The following TPTE2 variants were observed in gnomAD, a reference collection of about 807,000 sequenced individuals.
TPTE2 encodes the protein transmembrane phosphoinositide 3-phosphatase and tensin homolog 2.
Under a neutral mutation model 78.6 loss-of-function variants are expected in TPTE2, and 53 were observed. The ratio of observed to expected loss-of-function variants is 0.67; its 90% CI spans 0.54 to 0.85. The LOEUF (loss-of-function observed/expected upper bound fraction) is 0.85. TPTE2 is among the 40% of genes least tolerant of loss of function. The pLI is 0.00. For missense variants in TPTE2, 461 were observed against 623.0 expected (o/e 0.74, Z 2.77); for synonymous variants, 175 against 206.2 (o/e 0.85, Z 1.30).
chr13:19,531,374 A>G (rs541358066), intron 1 of TPTE2, among the ~76,000 whole-genome samples: 14 of 152,088 alleles, frequency 9.2e-5, no homozygotes, highest in African/African-American at 3.1e-4. Flanking sequence ...TCATAGGAAA[A>G]GAGTCATGAA....
At chr13:19,437,787 AATT>A (rs1280664912) in intron 14 of TPTE2, among the ~76,000 whole-genome samples, 16 of 152,116 alleles carry the variant, frequency 1.1e-4, no homozygotes, top group African/African-American at 3.6e-4. Context: ...TTTTTGCATT[AATT>A]TTTATTAAAA....
intron 19 of TPTE2, among the ~76,000 whole-genome samples, chr13:19,423,982 T>G (rs1210997761): frequency 3.3e-5 from 5 of 152,182 alleles, no homozygotes; most frequent in Non-Finnish European, 7.4e-5. Flanking sequence ...TTGTAAAAAA[T>G]TTCCATCAAA....
chr13:19,450,368 A>C (rs1163568350), intron 11 of TPTE2, 24 bp from the exon 15 acceptor site: 1 of 1,584,386 alleles, frequency 6.3e-7, no homozygotes, highest in South Asian at 1.1e-5. Flanking sequence ...TATGTATGTC[A>C]TATCTCTATA....
intron 10 of TPTE2, 85 bp from the exon 14 acceptor site, chr13:19,451,310 T>G (rs1878170241): frequency 1.2e-5 from 19 of 1,544,884 alleles, no homozygotes; most frequent in Non-Finnish European, 1.7e-5. Context: ...TGGTTATTAC[T>G]TTTATTAATT....
At chr13:19,527,682 C>G (rs966273215) in intron 1 of TPTE2, among the ~76,000 whole-genome samples, 6 of 152,134 alleles carry the variant, frequency 3.9e-5, no homozygotes, top group African/African-American at 1.4e-4. Flanking sequence ...CCAGACCAGC[C>G]TGGGCAACAT....
At chr13:19,558,963 A>G in the TPTE2 span, among the ~76,000 whole-genome samples, 1 of 152,214 alleles carries the variant, frequency 6.6e-6, no homozygotes, top group African/African-American at 2.4e-5. Flanking sequence ...ATTAATAAAA[A>G]CCTGTTAAAA....
intron 1 of TPTE2, among the ~76,000 whole-genome samples, chr13:19,534,243 C>T (rs1207781463): frequency 2.6e-5 from 4 of 152,154 alleles, no homozygotes; most frequent in Non-Finnish European, 5.9e-5. Context: ...ACATCCTGAA[C>T]ATGAGAAACA....
intron 1 of TPTE2, among the ~76,000 whole-genome samples, chr13:19,534,245 T>G (rs1311348324): frequency 6.6e-6 from 1 of 152,286 alleles, no homozygotes; most frequent in Non-Finnish European, 1.5e-5. Flanking sequence ...ATCCTGAACA[T>G]GAGAAACAGA....
At chr13:19,426,875 T>C (rs1876137835) in intron 17 of TPTE2, among the ~76,000 whole-genome samples, 1 of 151,312 alleles carries the variant, frequency 6.6e-6, no homozygotes, top group Non-Finnish European at 1.5e-5. Flanking sequence ...CAGCTAATTT[T>C]TGAATTTTTA....
At chr13:19,484,028 T>C (rs1880514974) in intron 3 of TPTE2, among the ~76,000 whole-genome samples, 1 of 151,668 alleles carries the variant, frequency 6.6e-6, no homozygotes, top group African/African-American at 2.4e-5. Context: ...CATGTGATGT[T>C]TGGTGTTTTG....
intron 1 of TPTE2, among the ~76,000 whole-genome samples, chr13:19,521,133 G>A (rs1236813643): frequency 6.6e-6 from 1 of 151,938 alleles, no homozygotes; most frequent in African/African-American, 2.4e-5. Context: ...TATTATTCAA[G>A]TCTTACATTT....
intron 10 of TPTE2, among the ~76,000 whole-genome samples, chr13:19,461,664 T>C (rs1336771594): frequency 6.6e-6 from 1 of 152,206 alleles, no homozygotes; most frequent in African/African-American, 2.4e-5. Flanking sequence ...ATATTTGCCT[T>C]GTTTATCTGA....
intron 1 of TPTE2, among the ~76,000 whole-genome samples, chr13:19,498,704 G>A (rs1046949380): frequency 2.1e-4 from 32 of 151,836 alleles, no homozygotes; most frequent in Admixed American, 5.3e-4. Context: ...ATGCCAAAAC[G>A]TAAAGACCAT....
intron 18 of TPTE2, among the ~76,000 whole-genome samples, chr13:19,425,535 C>T (rs541686007): frequency 7.2e-4 from 110 of 152,232 alleles, no homozygotes; most frequent in African/African-American, 2.4e-3. Flanking sequence ...GACCACTTCA[C>T]TATGGGACAG....
intron 6 of TPTE2, among the ~76,000 whole-genome samples, chr13:19,473,281 C>G (rs1879735656): frequency 6.6e-6 from 1 of 152,244 alleles, no homozygotes; most frequent in East Asian, 1.9e-4. Flanking sequence ...AGGCCTGTGT[C>G]CTTCCCTTCA....
intron 10 of TPTE2, among the ~76,000 whole-genome samples, chr13:19,457,992 G>C (rs1465708679): frequency 2.6e-5 from 4 of 152,126 alleles, no homozygotes; most frequent in African/African-American, 9.7e-5. Flanking sequence ...TTCTGAGACA[G>C]TGAAGGAATT....
At chr13:19,513,397 T>C (rs1304755894) in intron 1 of TPTE2, among the ~76,000 whole-genome samples, 2 of 152,224 alleles carry the variant, frequency 1.3e-5, no homozygotes, top group Non-Finnish European at 2.9e-5. Context: ...TATTTTCCCA[T>C]GAATAATTCT....
intron 3 of TPTE2, among the ~76,000 whole-genome samples, chr13:19,490,506 T>C (rs532984932): frequency 6.6e-6 from 1 of 152,340 alleles, no homozygotes; most frequent in African/African-American, 2.4e-5. Flanking sequence ...CAAGTTTATA[T>C]ACATTTCTTT....
the TPTE2 span, among the ~76,000 whole-genome samples, chr13:19,546,413 T>A: frequency 6.6e-6 from 1 of 150,518 alleles, no homozygotes; most frequent in Admixed American, 6.6e-5. Flanking sequence ...GGGAAAAAAA[T>A]ATAATACTAA....
Sources: allele counts gnomAD v4.1 joint callset (sites outside exome capture counted in the v4.1 genomes callset), GRCh38; gene constraint gnomAD v4.1.1; transcripts MANE v1.5; gene names NCBI Gene and HGNC (gene_info 2026-07-23, HGNC 2026-07-21).